Variants in PTPRM observed in about 807,000 individuals in gnomAD.
PTPRM encodes the protein protein tyrosine phosphatase receptor type M, also known as receptor-type tyrosine-protein phosphatase mu.
Under a neutral mutation model 186.7 loss-of-function variants are expected in PTPRM, and 47 were observed. That is an observed-to-expected ratio of 0.25 (90% CI 0.20 to 0.32). The LOEUF (loss-of-function observed/expected upper bound fraction) is 0.32. Ranked by LOEUF, PTPRM falls within the 10% of genes least tolerant of loss-of-function variation. The pLI is 1.00. For synonymous variants in PTPRM, 668 were observed against 674.9 expected (o/e 0.99, Z 0.16); for missense variants, 1,494 against 1,865.0 (o/e 0.80, Z 3.66).
chr18:7,688,723 C>T (rs747051957), intron 1 of PTPRM, among the ~76,000 whole-genome samples: 2 of 152,132 alleles, frequency 1.3e-5, no homozygotes, highest in Admixed American at 1.3e-4. Context: ...TCATCCCGTG[C>T]GTTTGACTTT....
At position 7,806,545 on chromosome 18, in the gene PTPRM, A is replaced by G. The variant is rs117296771; in HGVS notation, c.196+32274A>G. On this transcript the variant is annotated intron_variant, in intron 2 of 32. Coordinates refer to ENST00000580170, the MANE Select transcript of PTPRM (RefSeq NM_001105244.2). Reference sequence around the variant, plus strand: ...AGCAATGAAAAATTTTAAAAAATCAATTGACTGATTTATGAGCAAAAAGGG... The same window carrying G: ...AGCAATGAAAAATTTTAAAAAATCAGTTGACTGATTTATGAGCAAAAAGGG... Among the ~76,000 whole-genome samples the G allele has an allele frequency of 7.1e-3, 1,080 of 152,270 alleles. 12 individuals carry two copies. The highest frequency in any genetic ancestry group is 0.012 in the Non-Finnish European group (834 of 68,010).
intron 14 of PTPRM, among the ~76,000 whole-genome samples, chr18:8,157,290 T>C (rs1215226242): frequency 1.3e-5 from 2 of 152,206 alleles, no homozygotes; most frequent in Admixed American, 1.3e-4. Flanking sequence ...TTAACTCTAT[T>C]GATAATATGC....
chr18:8,160,439 G>A (rs774412271), intron 14 of PTPRM, among the ~76,000 whole-genome samples: 12 of 152,044 alleles, frequency 7.9e-5, no homozygotes, highest in Non-Finnish European at 1.3e-4. Flanking sequence ...GCGCCACCAC[G>A]CCCAGAAAAT....
intron 19 of PTPRM, among the ~76,000 whole-genome samples, chr18:8,254,840 T>A (rs1601497994): frequency 6.6e-6 from 1 of 152,226 alleles, no homozygotes; most frequent in Admixed American, 6.5e-5. Flanking sequence ...AAGGCTTTGG[T>A]CCAAAGCAGA....
intron 23 of PTPRM, among the ~76,000 whole-genome samples, chr18:8,344,613 C>T (rs2095495657): frequency 6.6e-6 from 1 of 151,732 alleles, no homozygotes; most frequent in Admixed American, 6.6e-5. Context: ...AAATGTTTAG[C>T]TTAGCCCTTA....
chr18:7,963,669 A>G (rs2053829854), intron 7 of PTPRM, among the ~76,000 whole-genome samples: 2 of 152,214 alleles, frequency 1.3e-5, no homozygotes, highest in Non-Finnish European at 2.9e-5. Flanking sequence ...CCTGTGGCCT[A>G]GTCCTGCTGT....
chr18:7,568,206 C>A lies in PTPRM; in HGVS notation c.73+315C>A, dbSNP rs1199623865. On this transcript the variant is annotated intron_variant, in intron 1 of 32. Coordinates refer to ENST00000580170, the MANE Select transcript of PTPRM (RefSeq NM_001105244.2). This position sits in a 1 kb window ranked among gnomAD's most constrained non-coding sequence, Gnocchi z 5.1. ...GGTTGGGCGGCTTGCACTCTTGAGTCCCTGGCCGGCTGCAAAAGGAACAGC... is the reference window on the plus strand; with the variant it reads ...GGTTGGGCGGCTTGCACTCTTGAGTACCTGGCCGGCTGCAAAAGGAACAGC... Among the ~76,000 whole-genome samples the A allele has an allele frequency of 1.3e-5, 2 of 151,890 alleles. No individual in the cohort carries two copies. Among genetic ancestry groups the A allele is most frequent in the African/African-American group, 4.8e-5 (2 of 41,414 alleles).
At chr18:7,957,801 A>C (rs1224231010) in intron 7 of PTPRM, among the ~76,000 whole-genome samples, 1 of 152,210 alleles carries the variant, frequency 6.6e-6, no homozygotes, top group Admixed American at 6.5e-5. Context: ...AGCAGGAGCA[A>C]GTTAAAGGGA....
intron 23 of PTPRM, among the ~76,000 whole-genome samples, chr18:8,352,627 CTTTTCT>C (rs1568809268): frequency 7.5e-6 from 1 of 132,602 alleles, no homozygotes; most frequent in African/African-American, 2.7e-5. Context: ...CATTCTTTTT[CTTTTCT>C]TTTTTTTTTT....
At chr18:7,639,455 T>C (rs1196987022) in intron 1 of PTPRM, among the ~76,000 whole-genome samples, 1 of 151,958 alleles carries the variant, frequency 6.6e-6, no homozygotes, top group Admixed American at 6.6e-5. Flanking sequence ...GGCGTGATCT[T>C]GGCTCACTGT....
rs1567995924 is a variant in PTPRM at position 7,906,597 on chromosome 18, A to G, written c.547+14A>G. 6.4e-7 allele frequency: 1 copy of G among 1,574,352 alleles called. No homozygotes were observed. The highest frequency in any genetic ancestry group is 1.1e-5 in the South Asian group (1 of 90,208). On this transcript the variant is annotated intron_variant, in intron 4 of 32. Transcript: ENST00000580170. Reference sequence around the variant, plus strand: ...GACATCCATGTAGTAAGTTGTCTTTATTTGTAAATATTCGGGTACATCATT... The same window carrying G: ...GACATCCATGTAGTAAGTTGTCTTTGTTTGTAAATATTCGGGTACATCATT...
intron 29 of PTPRM, among the ~76,000 whole-genome samples, chr18:8,380,820 G>A (rs895263764): frequency 2.2e-4 from 33 of 152,222 alleles, no homozygotes; most frequent in Admixed American, 1.9e-3. Context: ...GGAAGATAGC[G>A]TTTGACCCAG....
chr18:8,344,289 G>C (rs1050050900), intron 23 of PTPRM, among the ~76,000 whole-genome samples: 1 of 151,848 alleles, frequency 6.6e-6, no homozygotes, highest in Non-Finnish European at 1.5e-5. Context: ...GCCATAAAGG[G>C]TTTGTCTCTT....
intron 4 of PTPRM, among the ~76,000 whole-genome samples, chr18:7,916,661 A>G (rs2146676516): frequency 6.6e-6 from 1 of 152,310 alleles, no homozygotes; most frequent in Admixed American, 6.5e-5. Flanking sequence ...ACAAAAAATA[A>G]ATCGACACAT....
At chr18:7,682,345 C>G (rs979678459) in intron 1 of PTPRM, among the ~76,000 whole-genome samples, 1 of 152,206 alleles carries the variant, frequency 6.6e-6, no homozygotes, top group Non-Finnish European at 1.5e-5. Context: ...AGAAAACATA[C>G]TAACTGGCAA....
chr18:8,289,569 T>TATATACAC (rs2095014072), intron 19 of PTPRM, among the ~76,000 whole-genome samples: 1 of 124,002 alleles, frequency 8.1e-6, no homozygotes. Context: ...TACACATATA[T>TATATACAC]ATATATACAT....
intron 1 of PTPRM, among the ~76,000 whole-genome samples, chr18:7,590,453 A>G (rs575934944): frequency 7.9e-5 from 12 of 152,296 alleles, no homozygotes; most frequent in African/African-American, 2.9e-4. Context: ...TAAAGAAAAT[A>G]GTGGAACTTT....
rs1568108126 is a variant in PTPRM at position 7,772,355 on chromosome 18, CTTTCTTTCTT to C, written c.74-1792_74-1783del. ...TTCTTTTCTTTCTTTCTTTCTCTTT[CTTTCTTTCTT>C]TCTTTCTTTCTTTCTTTCTTTCTTT... On this transcript the variant is annotated intron_variant, in intron 1 of 32. Transcript: ENST00000580170. Among the ~76,000 whole-genome samples the C allele has an allele frequency of 9.1e-4, 25 of 27,348 alleles. No homozygotes were observed. In the East Asian group the frequency reaches 0.018, roughly 19 times the overall value. 17.9% of individuals were successfully genotyped at this position (27,348 alleles called of 152,430 possible).
chr18:8,191,984 G>A (rs2093716363), intron 14 of PTPRM, among the ~76,000 whole-genome samples: 1 of 151,738 alleles, frequency 6.6e-6, no homozygotes, highest in Admixed American at 6.6e-5. Context: ...GTAGTCTAAG[G>A]ACAAAAAACT....
Sources: allele counts gnomAD v4.1 joint callset (sites outside exome capture counted in the v4.1 genomes callset), GRCh38; gene constraint gnomAD v4.1.1; non-coding constraint Gnocchi (gnomAD v3.1); transcripts MANE v1.5; gene names NCBI Gene and HGNC (gene_info 2026-07-23, HGNC 2026-07-21).